UPK3B: variants seen among roughly 807,000 people sequenced by gnomAD.
UPK3B encodes uroplakin 3B.
In UPK3B, 21 loss-of-function variants were observed where a neutral mutation model predicts 27.6. The observed-to-expected ratio is 0.76, with a 90% CI of 0.54 to 1.10. The LOEUF (loss-of-function observed/expected upper bound fraction) is 1.10, where lower values mean the gene tolerates loss of function less well. Among genes scored for constraint, UPK3B ranks in the 50% least tolerant of loss-of-function variants. UPK3B has a pLI of 0.00. For missense variants in UPK3B, 306 were observed against 376.1 expected (o/e 0.81, Z 1.54); for synonymous variants, 141 against 162.3 (o/e 0.87, Z 1.00).
Position 76,515,161 on chromosome 7 carries a change from G to C in UPK3B, c.788G>C (p.Gly263Ala). ...AGAGAGGCCGCCACACTGCCGGTGGGCTGCAAGCCTGGCCTGGACCCCCTC... is the reference window on the plus strand; with the variant it reads ...AGAGAGGCCGCCACACTGCCGGTGGCCTGCAAGCCTGGCCTGGACCCCCTC... The part of the protein sequence containing the change: ...PPREAATLPV[G>A]CKPGLDPLPS... Residue 263 changes from glycine to alanine, a missense_variant, in exon 6 of 6, where the codon GGC (glycine) becomes GCC (alanine). Coordinates refer to ENST00000334348, the MANE Select transcript of UPK3B (RefSeq NM_001347684.2). 1 of 1,597,358 alleles carries C rather than the reference G, an allele frequency of 6.3e-7. No individual in the cohort carries two copies.
Position 76,514,581 on chromosome 7 carries a change from T to G in UPK3B, c.672-464T>G, listed in dbSNP as rs1812662981. On this transcript the variant is annotated intron_variant, in intron 5 of 5. Transcript: ENST00000334348. ...CCACCTGGAGAGGTGGTCCTCCAAT[T>G]GGTTCTAGAAGGGAGGAAGGAGGGA... Among the ~76,000 whole-genome samples the G allele has an allele frequency of 3.9e-5, 6 of 152,064 alleles. 1 individual carries two copies. The South Asian group carries it at 1.2e-3, about 32-fold the overall frequency.
rs760111944 is a variant in UPK3B, at chr7:76,510,862, G to A, written c.86-41G>A. On this transcript the variant is annotated intron_variant, in intron 1 of 5. Transcript: ENST00000334348. ...GAGAGGCAGCCCCAGGGACCCCCAC[G>A]CCCGTCTCCGTGGCTCACCTTTTGT... 1.6e-5 allele frequency: 25 copies of A among 1,598,990 alleles called. No individual in the cohort carries two copies. In the East Asian group the frequency reaches 2.5e-4, roughly 16 times the overall value.
rs62476522 is a variant in UPK3B at position 76,514,284 on chromosome 7, G to A, written c.671+208G>A. Among the ~76,000 whole-genome samples the A allele has an allele frequency of 0.057, 8,643 of 152,240 alleles. 371 individuals are homozygous for A. Among genetic ancestry groups the A allele is most frequent in the Non-Finnish European group, 0.09 (6,111 of 68,002 alleles). On this transcript the variant is annotated intron_variant, in intron 5 of 5. Coordinates refer to ENST00000334348, the MANE Select transcript of UPK3B (RefSeq NM_001347684.2). ...GCCTCCCAAAGTATTAGGATTACAG[G>A]TGTGAGCCACCTTGCCGAGCCCCGT...
intron 2 of UPK3B, 125 bp from the exon 3 acceptor site, chr7:76,511,532 G>C (rs1812530675): frequency 1.8e-5 from 18 of 986,398 alleles, no homozygotes; most frequent in Middle Eastern, 3.3e-4. Context: ...ACTATCTCTG[G>C]GGGCCCTGAG....
Position 76,515,182 on chromosome 7 carries a change from C to T in UPK3B, c.809C>T (p.Pro270Leu). Residue 270 changes from proline (P) to leucine (L), a missense_variant, in exon 6 of 6, where the codon CCC becomes CTC. This residue lies in a region of UPK3B where 174 missense variants were observed against 166.6 expected (regional missense o/e 1.04). Coordinates refer to ENST00000334348, the MANE Select transcript of UPK3B (RefSeq NM_001347684.2). ...GTGGGCTGCAAGCCTGGCCTGGACC[C>T]CCTCCCCAGCCTCAGCCCCTAGCCT... ...LPVGCKPGLD[P>L]LPSLSP 3 of 1,592,942 alleles carry T rather than the reference C, an allele frequency of 1.9e-6. No individual in the cohort carries two copies. Among genetic ancestry groups the T allele is most frequent in the African/African-American group, 1.3e-5 (1 of 74,742 alleles).
At chr7:76,513,409 C>A (rs531999389) in intron 4 of UPK3B, among the ~76,000 whole-genome samples, 10 of 152,304 alleles carry the variant, frequency 6.6e-5, no homozygotes, top group East Asian at 5.8e-4. Flanking sequence ...CAGCCTCCCC[C>A]CTCCTGTAGG....
At chr7:76,514,216 G>T in intron 5 of UPK3B, 140 bp downstream of exon 5, 1 of 1,369,024 alleles carries the variant, frequency 7.3e-7, no homozygotes, top group Non-Finnish European at 1.0e-6. Flanking sequence ...ATGTTGCCCA[G>T]GCTGGTCTGG....
In UPK3B at chr7:76,510,597, G is replaced by T; in HGVS notation, c.-56G>T. ...CCAGGGCCAAGCTGTTGGGGGTGAG[G>T]TGCAGCCCGAAGCAGCCAGACCAGC... is the stretch of plus-strand genomic sequence containing the variant. On this transcript the variant is annotated 5_prime_UTR_variant, in exon 1 of 6. Transcript: ENST00000334348. 12 of 1,392,052 alleles carry T rather than the reference G, an allele frequency of 8.6e-6. No homozygotes were observed. The highest frequency in any genetic ancestry group is 1.0e-5 in the Non-Finnish European group (11 of 1,064,346). 86.2% of individuals were successfully genotyped at this position (1,392,052 alleles called of 1,614,324 possible). A position where few individuals can be genotyped will look rare whatever the true frequency, so the allele number is the denominator to read the frequency against.
In UPK3B at chr7:76,511,958, T is replaced by G. The variant is rs1437941988; in HGVS notation, c.461+76T>G. ...CGCATTGCTGGGACCAGGGATGCTCTCTCTAGCATCTTTCCAGGGAGGGGT... is the reference window on the plus strand; with the variant it reads ...CGCATTGCTGGGACCAGGGATGCTCGCTCTAGCATCTTTCCAGGGAGGGGT... On this transcript the variant is annotated intron_variant, in intron 3 of 5. Coordinates refer to ENST00000334348, the MANE Select transcript of UPK3B (RefSeq NM_001347684.2). 1.6e-5 allele frequency: 9 copies of G among 552,208 alleles called. 1 individual carries two copies. Among genetic ancestry groups the G allele is most frequent in the East Asian group, 6.9e-5 (2 of 28,960 alleles). The allele number at this position is 552,208 out of a possible 1,614,324, so 34.2% of individuals were successfully genotyped here.
At chr7:76,513,296 C>A in intron 4 of UPK3B, 133 bp downstream of exon 4, 1 of 823,070 alleles carries the variant, frequency 1.2e-6, no homozygotes, top group South Asian at 1.8e-5. Flanking sequence ...GGCCCAGCCC[C>A]CAACAGAACC....
intron 2 of UPK3B, 182 bp from the exon 3 acceptor site, chr7:76,511,475 C>T (rs1178251002): frequency 1.4e-6 from 1 of 721,642 alleles, no homozygotes; most frequent in African/African-American, 1.8e-5. Context: ...GGACAAAAGG[C>T]CAGAGGGAAG....
At chr7:76,512,988 G>C (rs1812588031) in intron 3 of UPK3B, 96 bp from the exon 4 acceptor site, 1 of 967,412 alleles carries the variant, frequency 1.0e-6, no homozygotes, top group South Asian at 1.5e-5. Flanking sequence ...ACATCCATGG[G>C]AGGGCCCCAG....
rs1812725520 is a variant in UPK3B at position 76,516,468 on chromosome 7, G to A, written c.*1264G>A. The A allele has an allele frequency of 1.6e-6, 1 of 611,928 alleles. No individual in the cohort carries two copies. The highest frequency in any genetic ancestry group is 8.7e-5 in the South Asian group (1 of 11,432). The allele number at this position is 611,928 out of a possible 1,614,324, so 37.9% of individuals were successfully genotyped here. A position where few individuals can be genotyped will look rare whatever the true frequency, so the allele number is the denominator to read the frequency against. On this transcript the variant is annotated 3_prime_UTR_variant, in exon 6 of 6. Transcript: ENST00000334348. ...CCCTGCCAGCGGAGGGAGCCCGGTG[G>A]TGACCCTTGGTCTGCAGCCCTCTTT...
chr7:76,513,879 G>C, intron 4 of UPK3B, 68 bp from the exon 5 acceptor site: 1 of 1,604,842 alleles, frequency 6.2e-7, no homozygotes, highest in Non-Finnish European at 8.5e-7. Flanking sequence ...GGGAGGGAGC[G>C]AGGGAGGAGA....
At position 76,514,073 on chromosome 7, in the gene UPK3B, G is replaced by A. The variant is rs141467516; in HGVS notation, c.668G>A (p.Arg223His). 7.3e-4 allele frequency: 1,181 copies of A among 1,613,930 alleles called. 1 individual carries two copies. Among genetic ancestry groups the A allele is most frequent in the African/African-American group, 6.8e-3 (511 of 74,980 alleles). ...LLAFLAASTMRFSSLWWPEEA... is the reference protein window; with the variant it reads ...LLAFLAASTMHFSSLWWPEEA... ...GCCTTCTTGGCAGCCTCTACCATGC[G>A]CTTGTGAGTGGGGACACCCCCTCGG... The change falls in exon 5 of 6, where the codon CGC (arginine) becomes CAC (histidine). Residue 223 changes from arginine (R) to histidine (H), a missense_variant. Physicochemically the swap from Arg to His is conservative, Grantham distance 29 (BLOSUM62 0). Transcript: ENST00000334348.
Position 76,515,296 on chromosome 7 carries a change from A to C in UPK3B, c.*92A>C. ...AGCTCCTGCACCCACAGGCCCCCTC[A>C]GGGCTCCTTGCCTTTCCCCCCCACC... On this transcript the variant is annotated 3_prime_UTR_variant, in exon 6 of 6. Coordinates refer to ENST00000334348, the MANE Select transcript of UPK3B (RefSeq NM_001347684.2). 1 of 1,533,762 alleles carries C rather than the reference A, an allele frequency of 6.5e-7. No individual in the cohort carries two copies. Among genetic ancestry groups the C allele is most frequent in the Non-Finnish European group, 8.8e-7 (1 of 1,137,546 alleles).
chr7:76,510,592 G>A lies in UPK3B; in HGVS notation c.-61G>A. 1 of 1,372,250 alleles carries A rather than the reference G, an allele frequency of 7.3e-7. No homozygotes were observed. The highest frequency in any genetic ancestry group is 9.5e-7 in the Non-Finnish European group (1 of 1,052,096). 85.0% of individuals were successfully genotyped at this position (1,372,250 alleles called of 1,614,324 possible). A position where few individuals can be genotyped will look rare whatever the true frequency, so the allele number is the denominator to read the frequency against. ...CTTCTCCAGGGCCAAGCTGTTGGGG[G>A]TGAGGTGCAGCCCGAAGCAGCCAGA... On this transcript the variant is annotated 5_prime_UTR_variant, in exon 1 of 6. It adds an upstream start codon to the 5' untranslated region. Transcript: ENST00000334348.
Position 76,515,174 on chromosome 7 carries a change from C to A in UPK3B, c.801C>A (p.Gly267=), listed in dbSNP as rs749736981. 9 of 1,593,394 alleles carry A rather than the reference C, an allele frequency of 5.6e-6. No individual in the cohort carries two copies. In the African/African-American group the frequency reaches 1.2e-4, roughly 21 times the overall value. ...AATLPVGCKP[G]LDPLPSLSP ...CACTGCCGGTGGGCTGCAAGCCTGGCCTGGACCCCCTCCCCAGCCTCAGCC... is the reference window on the plus strand; with the variant it reads ...CACTGCCGGTGGGCTGCAAGCCTGGACTGGACCCCCTCCCCAGCCTCAGCC... The change falls in exon 6 of 6, where the codon GGC becomes GGA. Residue 267 remains glycine, a synonymous_variant. Transcript: ENST00000334348.
chr7:76,512,869 C>T lies in UPK3B; in HGVS notation c.462-215C>T, dbSNP rs1052460171. 3.9e-5 allele frequency among the ~76,000 whole-genome samples: 6 copies of T among 152,002 alleles called. No homozygotes were observed. In the East Asian group the frequency reaches 5.8e-4, roughly 15 times the overall value. On this transcript the variant is annotated intron_variant, in intron 3 of 5. Coordinates refer to ENST00000334348, the MANE Select transcript of UPK3B (RefSeq NM_001347684.2). The stretch of plus-strand genomic sequence containing the variant: ...GTCTGGTGTCTGGAGAGCAATTGCT[C>T]GGGGGGATGAGGGGTGGTGGCACAG...
Sources: gnomAD v4.1 joint callset for allele counts (sites outside exome capture counted in the v4.1 genomes callset) on GRCh38, gnomAD v4.1.1 for gene constraint, gnomAD v4.1.1 regional missense constraint, MANE v1.5 for transcripts, NCBI Gene and HGNC (gene_info 2026-07-23, HGNC 2026-07-21) for gene names.